CDHR2: variants seen among roughly 807,000 people sequenced by gnomAD.
CDHR2 encodes cadherin-related family member 2.
CDHR2 carries 104 observed loss-of-function variants against 138.6 expected under a neutral mutation model. The ratio of observed to expected loss-of-function variants is 0.75; its 90% CI spans 0.64 to 0.88. The LOEUF (loss-of-function observed/expected upper bound fraction) is 0.88, where lower values mean the gene tolerates loss of function less well. Ranked by LOEUF, CDHR2 falls within the 40% of genes least tolerant of loss-of-function variation. CDHR2 has a pLI of 0.00. For missense variants in CDHR2, 1,624 were observed against 1,727.6 expected, an observed-to-expected ratio of 0.94 and a Z score of 1.06; for synonymous variants, 755 against 742.8, an observed-to-expected ratio of 1.02 and a Z score of -0.27.
At chr5:176,572,191 C>G (rs546632200) in intron 6 of CDHR2, among the ~76,000 whole-genome samples, 3 of 149,926 alleles carry the variant, frequency 2.0e-5, no homozygotes, top group African/African-American at 2.5e-5. Flanking sequence ...GGAGACCAGC[C>G]TGACCAACAT....
At chr5:176,577,990 T>G (rs778459617) in intron 14 of CDHR2, 44 bp from the exon 15 acceptor site, 1 of 1,567,770 alleles carries the variant, frequency 6.4e-7, no homozygotes, top group East Asian at 2.3e-5. Context: ...TGGCGGTGCG[T>G]GCATCGCCTC....
At chr5:176,552,725 C>T (rs78574938) in intron 1 of CDHR2, among the ~76,000 whole-genome samples, 12,820 of 152,236 alleles carry the variant, frequency 0.084, 639 homozygotes, top group East Asian at 0.17. Context: ...GCGAGAAACC[C>T]GGGGCCAACC....
chr5:176,591,795 G>T, intron 30 of CDHR2: 1 of 389,368 alleles, frequency 2.6e-6, no homozygotes, highest in South Asian at 2.8e-5. Context: ...TGGTGGTGTT[G>T]GTGTTGAGGT....
In CDHR2 at chr5:176,543,214, G is replaced by T. The variant is rs1227265227; in HGVS notation, c.-16+445G>T. Among the ~76,000 whole-genome samples, 1 of 147,808 alleles carries T rather than the reference G, an allele frequency of 6.8e-6. No homozygotes were observed. Among genetic ancestry groups the T allele is most frequent in the African/African-American group, 2.4e-5 (1 of 40,832 alleles). ...CGCCCCCTACCGCCGCGTGCTCGCCGGCCCTGCGCCCGGGGCGCTCGGCGC... is the reference window on the plus strand; with the variant it reads ...CGCCCCCTACCGCCGCGTGCTCGCCTGCCCTGCGCCCGGGGCGCTCGGCGC... On this transcript the variant is annotated intron_variant, in intron 1 of 31. Coordinates refer to the CDHR2 transcript ENST00000510636. The surrounding 1 kb of genome is among the most constrained non-coding windows in gnomAD (Gnocchi z 4.0).
At chr5:176,560,742 T>C (rs1367102982) in intron 1 of CDHR2, among the ~76,000 whole-genome samples, 1 of 152,226 alleles carries the variant, frequency 6.6e-6, no homozygotes, top group East Asian at 1.9e-4. Context: ...AACTATTTAC[T>C]GAGGGAATGA....
intron 28 of CDHR2, 33 bp from the exon 29 acceptor site, chr5:176,591,177 C>A: frequency 6.9e-7 from 1 of 1,454,302 alleles, no homozygotes; most frequent in Non-Finnish European, 9.6e-7. Flanking sequence ...AGGTGTGCAG[C>A]AACAGTGTGA....
chr5:176,581,710 GC>G, intron 17 of CDHR2, 128 bp downstream of exon 17: 1 of 1,252,414 alleles, frequency 8.0e-7, no homozygotes. Flanking sequence ...CACTCGTATG[GC>G]CCCAGGCAAT....
At chr5:176,580,554 A>G (rs1758507892) in intron 16 of CDHR2, among the ~76,000 whole-genome samples, 2 of 151,606 alleles carry the variant, frequency 1.3e-5, no homozygotes, top group African/African-American at 4.8e-5. Context: ...GAAAGAAAGA[A>G]AGAAAAAAAA....
chr5:176,578,609 G>A lies in CDHR2; in HGVS notation c.1818+1G>A. The stretch of plus-strand genomic sequence containing the variant: ...GGGCAATGTCTCCGTGACCATCCAG[G>A]TGTGAGCCTGCCTGGACCTGGTGGG... On this transcript the variant is annotated splice_donor_variant, in intron 16 of 31. Coordinates refer to ENST00000261944, the MANE Select transcript of CDHR2 (RefSeq NM_017675.6). LOFTEE classifies it high-confidence loss of function. 3.1e-6 allele frequency: 5 copies of A among 1,609,088 alleles called. No homozygotes were observed. The highest frequency in any genetic ancestry group is 4.2e-6 in the Non-Finnish European group (5 of 1,179,980).
intron 15 of CDHR2, 74 bp downstream of exon 15, chr5:176,578,169 A>T (rs1283839598): frequency 6.9e-6 from 10 of 1,448,966 alleles, no homozygotes; most frequent in Middle Eastern, 1.7e-4. Flanking sequence ...CTCTGCAGAG[A>T]TAGAATAGCT....
intron 6 of CDHR2, among the ~76,000 whole-genome samples, chr5:176,573,520 G>A (rs1479898381): frequency 6.6e-5 from 10 of 151,848 alleles, no homozygotes; most frequent in Non-Finnish European, 1.3e-4. Flanking sequence ...GGTGGTGGGC[G>A]CCTATAATCC....
intron 19 of CDHR2, among the ~76,000 whole-genome samples, chr5:176,585,594 A>G (rs949536311): frequency 6.6e-6 from 1 of 152,274 alleles, no homozygotes; most frequent in Non-Finnish European, 1.5e-5. Context: ...AGATCTACCT[A>G]GGCTGGGCCC....
At chr5:176,590,826 T>G in intron 28 of CDHR2, 139 bp downstream of exon 28, 2 of 1,155,752 alleles carry the variant, frequency 1.7e-6, no homozygotes, top group Non-Finnish European at 2.5e-6. Context: ...GTGCGAGATC[T>G]TGGGTGAGTC....
At chr5:176,594,356 T>A (rs914013233) in intron 31 of CDHR2, among the ~76,000 whole-genome samples, 15 of 152,046 alleles carry the variant, frequency 9.9e-5, no homozygotes, top group African/African-American at 3.6e-4. Flanking sequence ...ATGGCTGGGG[T>A]GGCGCAGGTG....
rs777153830 is a variant in CDHR2 at position 176,590,555 on chromosome 5, T to C, written c.3415-8T>C. 6.3e-5 allele frequency: 102 copies of C among 1,613,884 alleles called. No homozygotes were observed. The highest frequency in any genetic ancestry group is 8.4e-5 in the Non-Finnish European group (99 of 1,180,004). Reference sequence around the variant, plus strand: ...GAGTGTGCTTCCCTCACACTCATCTTTCTCCAGGGCTCCCAGGAGAGCCAG... The same window carrying C: ...GAGTGTGCTTCCCTCACACTCATCTCTCTCCAGGGCTCCCAGGAGAGCCAG... On this transcript the variant is annotated splice_polypyrimidine_tract_variant and splice_region_variant and intron_variant, in intron 27 of 31. Coordinates refer to ENST00000261944, the MANE Select transcript of CDHR2 (RefSeq NM_017675.6).
chr5:176,568,854 AG>A, intron 4 of CDHR2, 37 bp downstream of exon 4: 1 of 1,612,616 alleles, frequency 6.2e-7, no homozygotes, highest in Non-Finnish European at 8.5e-7. Flanking sequence ...CGGGACGCGG[AG>A]GGGGTGCTGG....
Position 176,586,089 on chromosome 5 carries a change from G to C in CDHR2, c.2806+64G>C. The C allele has an allele frequency of 1.1e-5, 14 of 1,329,678 alleles. No homozygotes were observed. The South Asian group carries it at 1.7e-4, about 16-fold the overall frequency. The allele number at this position is 1,329,678 out of a possible 1,614,324, so 82.4% of individuals were successfully genotyped here. On this transcript the variant is annotated intron_variant, in intron 20 of 31. Coordinates refer to ENST00000261944, the MANE Select transcript of CDHR2 (RefSeq NM_017675.6). ...CATAAGGCCGCCTTTGAGCAACCCC[G>C]ACAGACCCTCCTTGGACCCCAGGGG...
chr5:176,552,848 C>G (rs2038917706), intron 1 of CDHR2, among the ~76,000 whole-genome samples: 1 of 152,226 alleles, frequency 6.6e-6, no homozygotes, highest in South Asian at 2.1e-4. Context: ...AGCTGCTGGG[C>G]AGGAACCCTG....
chr5:176,569,440 C>T (rs1432165175), intron 5 of CDHR2, among the ~76,000 whole-genome samples: 2 of 151,916 alleles, frequency 1.3e-5, no homozygotes, highest in East Asian at 1.9e-4. Flanking sequence ...CCAGCCACCA[C>T]GCCCGGCTAA....
Sources: allele counts gnomAD v4.1 joint callset (sites outside exome capture counted in the v4.1 genomes callset), GRCh38; gene constraint gnomAD v4.1.1; non-coding constraint Gnocchi (gnomAD v3.1); transcripts MANE v1.5; gene names NCBI Gene and HGNC (gene_info 2026-07-23, HGNC 2026-07-21).